FER: variants seen among roughly 807,000 people sequenced by gnomAD.
FER encodes tyrosine-protein kinase Fer.
Under a neutral mutation model 111.0 loss-of-function variants are expected in FER, and 63 were observed. That is an observed-to-expected ratio of 0.57 (90% confidence interval 0.46 to 0.70). FER has a LOEUF of 0.70. Among genes scored for constraint, FER ranks in the 30% least tolerant of loss-of-function variants. The pLI is 0.00. For missense variants in FER, 914 were observed against 954.0 expected (o/e 0.96, Z 0.55); for synonymous variants, 327 against 313.9 (o/e 1.04, Z -0.44).
chr5:109,175,010 C>T lies in FER; in HGVS notation c.2049-5737C>T, dbSNP rs373042460. 1.4e-4 allele frequency among the ~76,000 whole-genome samples: 18 copies of T among 129,668 alleles called. No individual in the cohort carries two copies. The South Asian group carries it at 3.7e-3, about 27-fold the overall frequency. The allele number at this position is 129,668 out of a possible 152,430, so 85.1% of individuals were successfully genotyped here. Reference sequence around the variant, plus strand: ...ATGGAGATCATAAGTACAGTAATTTCTGAGTGACTTAACGTATAAAAAGTG... The same window carrying T: ...ATGGAGATCATAAGTACAGTAATTTTTGAGTGACTTAACGTATAAAAAGTG... On this transcript the variant is annotated intron_variant, in intron 17 of 19. Coordinates refer to ENST00000281092, the MANE Select transcript of FER (RefSeq NM_005246.4).
intron 2 of FER, among the ~76,000 whole-genome samples, chr5:108,786,724 TCTC>T (rs1754764185): frequency 6.6e-6 from 1 of 152,120 alleles, no homozygotes; most frequent in Non-Finnish European, 1.5e-5. Context: ...ATGGTCTCGA[TCTC>T]CTAACCTCGT....
At chr5:108,961,159 G>A (rs765202045) in intron 13 of FER, among the ~76,000 whole-genome samples, 16 of 152,158 alleles carry the variant, frequency 1.1e-4, no homozygotes, top group Non-Finnish European at 1.8e-4. Flanking sequence ...ATATCAGTAT[G>A]AATAAAATTC....
At chr5:108,894,301 G>C in intron 9 of FER, 1 of 800,588 alleles carries the variant, frequency 1.2e-6, no homozygotes, top group South Asian at 3.1e-5. Flanking sequence ...TTGGGACTTG[G>C]GGGTCACCAA....
chr5:108,794,227 T>C (rs1168627134), intron 2 of FER, among the ~76,000 whole-genome samples: 5 of 151,854 alleles, frequency 3.3e-5, no homozygotes, highest in African/African-American at 1.2e-4. Context: ...TTTTTCTTTT[T>C]TTTTTTTGAG....
At chr5:108,757,821 G>T (rs900179821) in intron 1 of FER, among the ~76,000 whole-genome samples, 1 of 152,152 alleles carries the variant, frequency 6.6e-6, no homozygotes, top group African/African-American at 2.4e-5. Flanking sequence ...GATAATAGGG[G>T]TTTGCTATGG....
intron 1 of FER, among the ~76,000 whole-genome samples, chr5:108,756,437 C>A (rs1450515783): frequency 1.3e-5 from 2 of 151,802 alleles, no homozygotes; most frequent in African/African-American, 4.8e-5. Flanking sequence ...ATTTCCTGAC[C>A]ATTCTGAATC....
At chr5:109,003,499 G>T (rs1223736916) in intron 13 of FER, among the ~76,000 whole-genome samples, 1 of 152,090 alleles carries the variant, frequency 6.6e-6, no homozygotes, top group African/African-American at 2.4e-5. Flanking sequence ...ATAGCAATTG[G>T]AGATATACCT....
At chr5:108,798,009 A>G in intron 2 of FER, 115 bp from the exon 3 acceptor site, 1 of 544,204 alleles carries the variant, frequency 1.8e-6, no homozygotes, top group East Asian at 3.0e-5. Flanking sequence ...GGAAGAAAGT[A>G]TTCAGTTGTG....
intron 13 of FER, among the ~76,000 whole-genome samples, chr5:109,012,808 CA>C (rs34438017): frequency 0.011 from 1,598 of 152,050 alleles, 24 homozygotes; most frequent in African/African-American, 0.036. Context: ...AAAAAAAAAT[CA>C]ATGACTATAA....
At chr5:108,753,772 T>C (rs2149907476) in intron 1 of FER, among the ~76,000 whole-genome samples, 1 of 152,334 alleles carries the variant, frequency 6.6e-6, no homozygotes, top group South Asian at 2.1e-4. Flanking sequence ...TACAGGGTTC[T>C]AATTCTTAAA....
chr5:109,117,598 C>T (rs1006938982), intron 17 of FER, among the ~76,000 whole-genome samples: 1 of 152,068 alleles, frequency 6.6e-6, no homozygotes, highest in Non-Finnish European at 1.5e-5. Flanking sequence ...TTACCTTGGA[C>T]AGTATGGCCA....
chr5:109,047,082 C>A (rs565687153), intron 15 of FER, 22 bp from the exon 16 acceptor site: 1 of 1,226,946 alleles, frequency 8.2e-7, no homozygotes, highest in African/African-American at 1.5e-5. Context: ...GATAACTATT[C>A]GTATATTTTC....
intron 2 of FER, among the ~76,000 whole-genome samples, chr5:108,793,797 T>C (rs1238032037): frequency 1.9e-5 from 1 of 52,704 alleles, no homozygotes; most frequent in Non-Finnish European, 3.6e-5. Context: ...CATTGTATGT[T>C]TTTTTGATTT....
chr5:108,879,701 A>AAAAAAATATATATATATATATATAT, intron 8 of FER, among the ~76,000 whole-genome samples: 10 of 99,094 alleles, frequency 1.0e-4, no homozygotes, highest in Non-Finnish European at 1.8e-4. Context: ...ATTAAAAAAA[A>AAAAAAATATATATATATATATATAT]ATATATATAT....
intron 5 of FER, among the ~76,000 whole-genome samples, chr5:108,864,173 CTT>C (rs1261586712): frequency 6.6e-6 from 1 of 152,134 alleles, no homozygotes; most frequent in East Asian, 1.9e-4. Flanking sequence ...GAATTAAACT[CTT>C]TAAAAAAATT....
At chr5:109,047,308 T>G in intron 16 of FER, 110 bp downstream of exon 16, 1 of 626,758 alleles carries the variant, frequency 1.6e-6, no homozygotes, top group South Asian at 2.3e-5. Context: ...AGGATTTTGT[T>G]TAACATTTCC....
intron 17 of FER, among the ~76,000 whole-genome samples, chr5:109,172,459 G>C (rs1032177875): frequency 8.9e-6 from 1 of 112,172 alleles, no homozygotes; most frequent in African/African-American, 3.5e-5. Flanking sequence ...ACAGGAAGGG[G>C]AACATCACAC....
intron 3 of FER, among the ~76,000 whole-genome samples, chr5:108,825,048 A>G (rs1462464757): frequency 1.3e-5 from 2 of 152,186 alleles, no homozygotes; most frequent in African/African-American, 4.8e-5. Flanking sequence ...TTAACAGGGT[A>G]ATAGAATATC....
At chr5:109,180,978 C>A in intron 18 of FER, 77 bp downstream of exon 18, 1 of 1,248,182 alleles carries the variant, frequency 8.0e-7, no homozygotes, top group Non-Finnish European at 1.1e-6. Flanking sequence ...GCAATATTTA[C>A]AGGGGTAGCA....
Sources: gnomAD v4.1 joint callset for allele counts (sites outside exome capture counted in the v4.1 genomes callset) on GRCh38, gnomAD v4.1.1 for gene constraint, MANE v1.5 for transcripts, NCBI Gene and HGNC (gene_info 2026-07-23, HGNC 2026-07-21) for gene names.